Variants in RGS12 observed in about 807,000 individuals in gnomAD.
The protein encoded by RGS12 is regulator of G-protein signaling 12.
Under a neutral mutation model 120.1 loss-of-function variants are expected in RGS12, and 66 were observed. That is an observed-to-expected ratio of 0.55 (90% CI 0.45 to 0.67). The LOEUF (loss-of-function observed/expected upper bound fraction) is 0.67, where lower values mean the gene tolerates loss of function less well. Ranked by LOEUF, RGS12 falls within the 30% of genes least tolerant of loss-of-function variation. The pLI is 0.00. For missense variants in RGS12, 1,859 were observed against 1,957.7 expected (o/e 0.95, Z 0.95); for synonymous variants, 827 against 804.7 (o/e 1.03, Z -0.47).
intron 3 of RGS12, among the ~76,000 whole-genome samples, chr4:3,355,479 G>C (rs1285030317): frequency 1.3e-5 from 2 of 152,124 alleles, no homozygotes; most frequent in Non-Finnish European, 2.9e-5. Flanking sequence ...GATTGTTACT[G>C]TTCTCAGATG....
chr4:3,437,981 C>T (rs530709156), intron 17 of RGS12, among the ~76,000 whole-genome samples: 4 of 152,282 alleles, frequency 2.6e-5, no homozygotes, highest in Non-Finnish European at 4.4e-5. Flanking sequence ...TTGGTGGCCA[C>T]GGAGCCGCTG....
At chr4:3,424,912 G>A (rs527659004) in intron 13 of RGS12, among the ~76,000 whole-genome samples, 1 of 152,342 alleles carries the variant, frequency 6.6e-6, no homozygotes, top group South Asian at 2.1e-4. Context: ...GCATTGGACA[G>A]CTGTCATTCC....
intron 3 of RGS12, among the ~76,000 whole-genome samples, chr4:3,362,809 G>A (rs1715811222): frequency 6.8e-6 from 1 of 146,424 alleles, no homozygotes; most frequent in East Asian, 2.0e-4. Context: ...GAATATGAGA[G>A]TGAGGGTGTG....
At chr4:3,298,008 AT>A (rs1723475861) in intron 1 of RGS12, among the ~76,000 whole-genome samples, 1 of 152,084 alleles carries the variant, frequency 6.6e-6, no homozygotes, top group Non-Finnish European at 1.5e-5. Flanking sequence ...TTTTTTCGGA[AT>A]TTTGAAAATG....
At chr4:3,306,453 A>G (rs564882910) in intron 1 of RGS12, among the ~76,000 whole-genome samples, 1 of 152,370 alleles carries the variant, frequency 6.6e-6, no homozygotes, top group South Asian at 2.1e-4. Flanking sequence ...GTCCCGCTCG[A>G]TAAGCGGCAC....
chr4:3,395,279 G>T (rs1173118271), intron 4 of RGS12, among the ~76,000 whole-genome samples: 1 of 152,056 alleles, frequency 6.6e-6, no homozygotes, highest in Non-Finnish European at 1.5e-5. Flanking sequence ...ACATAGGATG[G>T]TGCATTTTGC....
upstream of RGS12, among the ~76,000 whole-genome samples, chr4:3,290,042 C>T (rs922319100): frequency 6.6e-6 from 1 of 152,120 alleles, no homozygotes; most frequent in Non-Finnish European, 1.5e-5. Context: ...TTTCTTTATC[C>T]ACCTAATCCA....
chr4:3,370,076 A>G, intron 3 of RGS12: 2 of 1,280,980 alleles, frequency 1.6e-6, no homozygotes, highest in Non-Finnish European at 2.0e-6. Context: ...CTTTCTTTGG[A>G]TGAGACAATT....
At chr4:3,339,899 G>A (rs7687590) in intron 2 of RGS12, among the ~76,000 whole-genome samples, 12,575 of 152,130 alleles carry the variant, frequency 0.083, 981 homozygotes, top group African/African-American at 0.21. Flanking sequence ...TGTTTGTTAG[G>A]GTTTTTAACA....
At chr4:3,406,171 G>A (rs191634953) in intron 4 of RGS12, among the ~76,000 whole-genome samples, 15 of 152,312 alleles carry the variant, frequency 9.8e-5, no homozygotes, top group African/African-American at 1.4e-4. Context: ...GGGCCCCGCC[G>A]AGGTGACCGG....
intron 3 of RGS12, among the ~76,000 whole-genome samples, chr4:3,344,288 G>A (rs1355037084): frequency 6.6e-6 from 1 of 152,190 alleles, no homozygotes; most frequent in African/African-American, 2.4e-5. Flanking sequence ...CAGGGCTAGC[G>A]TGCTGTATCT....
At chr4:3,396,401 G>A (rs1014812313) in intron 4 of RGS12, among the ~76,000 whole-genome samples, 4 of 152,202 alleles carry the variant, frequency 2.6e-5, no homozygotes, top group African/African-American at 9.6e-5. Context: ...AATCTGTTTT[G>A]TTTTATCTTC....
At chr4:3,329,216 C>A (rs556076108) in intron 2 of RGS12, among the ~76,000 whole-genome samples, 1 of 152,276 alleles carries the variant, frequency 6.6e-6, no homozygotes, top group South Asian at 2.1e-4. Context: ...CCTTCACATT[C>A]CACTTTGAGT....
chr4:3,306,234 A>G (rs1445656920), intron 1 of RGS12, among the ~76,000 whole-genome samples: 10 of 152,248 alleles, frequency 6.6e-5, no homozygotes, highest in Non-Finnish European at 1.5e-4. Context: ...CATGCACAGC[A>G]GGCTTGCCTT....
intron 4 of RGS12, among the ~76,000 whole-genome samples, chr4:3,393,335 G>C (rs1055188831): frequency 6.6e-6 from 1 of 152,174 alleles, no homozygotes; most frequent in Non-Finnish European, 1.5e-5. Context: ...CTGCCTCGTG[G>C]GGTCTCGGCT....
rs575115004 is a variant in RGS12 at position 3,381,745 on chromosome 4, C to T, written c.1999-4671C>T. On this transcript the variant is annotated intron_variant, in intron 3 of 17. Transcript: ENST00000336727. ...TTATTGGAACTACAAGATGAGATTT[C>T]GGTGGGGACACAACAAAACCATATC... Among the ~76,000 whole-genome samples the T allele has an allele frequency of 2.8e-4, 42 of 152,350 alleles. No homozygotes were observed. In the South Asian group the frequency reaches 7.2e-3, roughly 26 times the overall value.
intron 17 of RGS12, chr4:3,432,108 C>T (rs1724364761): frequency 5.1e-6 from 5 of 985,376 alleles, no homozygotes; most frequent in Non-Finnish European, 6.0e-6. Context: ...TGGTGGACAC[C>T]TGTGTGGCTC....
At chr4:3,367,419 G>C (rs1488533224) in intron 3 of RGS12, among the ~76,000 whole-genome samples, 1 of 152,278 alleles carries the variant, frequency 6.6e-6, no homozygotes, top group Non-Finnish European at 1.5e-5. Flanking sequence ...CCTGTGCCCA[G>C]ACTGGCCATG....
At chr4:3,438,184 C>T (rs1724990948) in intron 17 of RGS12, among the ~76,000 whole-genome samples, 1 of 152,170 alleles carries the variant, frequency 6.6e-6, no homozygotes, top group Admixed American at 6.5e-5. Flanking sequence ...CCTGGGGCTC[C>T]TGCCACCCCA....
Sources: allele counts gnomAD v4.1 joint callset (sites outside exome capture counted in the v4.1 genomes callset), GRCh38; gene constraint gnomAD v4.1.1; transcripts MANE v1.5; gene names NCBI Gene and HGNC (gene_info 2026-07-23, HGNC 2026-07-21).